CRISP1: variants seen among roughly 807,000 people sequenced by gnomAD.
CRISP1 encodes cysteine rich secretory protein 1, also known as cysteine-rich secretory protein 1.
Under a neutral mutation model 33.1 loss-of-function variants are expected in CRISP1, and 44 were observed. The ratio of observed to expected loss-of-function variants is 1.33; its 90% CI spans 1.05 to 1.71. The LOEUF (loss-of-function observed/expected upper bound fraction) is 1.71. Ranked by LOEUF, CRISP1 falls within the 40% of genes most tolerant of loss-of-function variation. CRISP1 has a pLI of 0.00. For missense variants in CRISP1, 390 were observed against 301.2 expected (o/e 1.29, Z -2.18); for synonymous variants, 103 against 98.7 (o/e 1.04, Z -0.26).
chr6:49,857,287 C>T (rs762440567), intron 2 of CRISP1, 48 bp downstream of exon 2: 6 of 1,566,426 alleles, frequency 3.8e-6, no homozygotes, highest in Admixed American at 1.7e-5. Flanking sequence ...AGTGTTAGCT[C>T]TTATCTTTAT....
intron 2 of CRISP1, among the ~76,000 whole-genome samples, chr6:49,855,033 G>T (rs574869654): frequency 6.6e-6 from 1 of 152,122 alleles, no homozygotes; most frequent in South Asian, 2.1e-4. Context: ...ACTTTATTCT[G>T]CTTGGTTTAT....
intron 1 of CRISP1, among the ~76,000 whole-genome samples, chr6:49,863,437 G>A (rs1050598312): frequency 1.3e-5 from 2 of 152,154 alleles, no homozygotes; most frequent in African/African-American, 4.8e-5. Context: ...AGAAGAAGAA[G>A]CATTACTTCA....
At position 49,857,367 on chromosome 6, in the gene CRISP1, C is replaced by T. The variant is rs748840852; in HGVS notation, c.34G>A (p.Ala12Thr). 1.4e-5 allele frequency: 23 copies of T among 1,612,878 alleles called. No homozygotes were observed. Among genetic ancestry groups the T allele is most frequent in the Non-Finnish European group, 2.5e-6 (3 of 1,179,268 alleles). Residue 12 changes from alanine (A) to threonine (T), a missense_variant, in exon 2 of 8, where the codon GCT (alanine) becomes ACT (threonine). Coordinates refer to ENST00000335847, the MANE Select transcript of CRISP1 (RefSeq NM_001131.3). ...GACAACATAGGCAGTAAGCAAGCAG[C>T]AGCAACCAAAAACAAGAGGTGTTTA... ...EIKHLLFLVA[A>T]ACLLPMLSMK...
intron 6 of CRISP1, among the ~76,000 whole-genome samples, chr6:49,839,142 T>C (rs1258858304): frequency 6.6e-6 from 1 of 151,808 alleles, no homozygotes; most frequent in East Asian, 1.9e-4. Context: ...TTTGAAACTT[T>C]AGAAAAGACG....
chr6:49,835,354 A>C lies in CRISP1; in HGVS notation c.712T>G (p.Cys238Gly), dbSNP rs768758510. 3.1e-6 allele frequency: 5 copies of C among 1,613,864 alleles called. No individual in the cohort carries two copies. The highest frequency in any genetic ancestry group is 4.2e-6 in the Non-Finnish European group (5 of 1,179,820). ...GTGTCACACAGACAAGTGGCTTTAC[A>C]GAATAGGATAGTTGTTGAGTGGTTG... is the stretch of plus-strand genomic sequence containing the variant. ...GCNHSTTILF[C>G]KATCLCDTEI... The change falls in exon 8 of 8, where the codon TGT (cysteine) becomes GGT (glycine). Residue 238 changes from cysteine (C) to glycine (G), a missense_variant. By Grantham distance (159) the Cys-to-Gly change is radical. Transcript: ENST00000335847.
intron 5 of CRISP1, among the ~76,000 whole-genome samples, chr6:49,841,903 T>A (rs772378690): frequency 1.3e-5 from 2 of 152,162 alleles, no homozygotes; most frequent in East Asian, 3.9e-4. Context: ...GATTAAACAT[T>A]CAAATATTTA....
intron 3 of CRISP1, among the ~76,000 whole-genome samples, chr6:49,849,888 A>G (rs556776932): frequency 2.6e-5 from 4 of 152,030 alleles, no homozygotes; most frequent in Admixed American, 6.6e-5. Context: ...AAACAAAAAA[A>G]AATATTTTAG....
intron 1 of CRISP1, among the ~76,000 whole-genome samples, chr6:49,872,241 G>A (rs1173668233): frequency 6.6e-6 from 1 of 151,826 alleles, no homozygotes; most frequent in Non-Finnish European, 1.5e-5. Context: ...ACTTTTTGAT[G>A]GGGTTGTTTG....
At position 49,841,001 on chromosome 6, in the gene CRISP1, A is replaced by G; in HGVS notation, c.436-6T>C. The G allele has an allele frequency of 1.9e-6, 3 of 1,609,996 alleles. No homozygotes were observed. Among genetic ancestry groups the G allele is most frequent in the Non-Finnish European group, 1.7e-6 (2 of 1,176,506 alleles). ...TAAGATGTGGCCCAAACAATCTGCA[A>G]TGATAAAGAGTTGTTTTATTACAGA... On this transcript the variant is annotated splice_region_variant and splice_polypyrimidine_tract_variant and intron_variant, in intron 5 of 7. Coordinates refer to ENST00000335847, the MANE Select transcript of CRISP1 (RefSeq NM_001131.3).
intron 1 of CRISP1, among the ~76,000 whole-genome samples, chr6:49,875,089 G>A (rs1772007468): frequency 6.6e-6 from 1 of 151,936 alleles, no homozygotes; most frequent in Non-Finnish European, 1.5e-5. Flanking sequence ...AAAATAAAGT[G>A]TATTTAAATA....
At chr6:49,846,976 G>A (rs1226225021) in intron 4 of CRISP1, among the ~76,000 whole-genome samples, 1 of 152,166 alleles carries the variant, frequency 6.6e-6, no homozygotes, top group African/African-American at 2.4e-5. Flanking sequence ...AAGCATAAGA[G>A]TGCTAACAGG....
chr6:49,835,202 T>C lies in CRISP1; in HGVS notation c.*114A>G, dbSNP rs1446926406. 1.0e-5 allele frequency: 12 copies of C among 1,148,128 alleles called. No individual in the cohort carries two copies. Among genetic ancestry groups the C allele is most frequent in the African/African-American group, 1.6e-5 (1 of 64,394 alleles). 71.1% of individuals were successfully genotyped at this position (1,148,128 alleles called of 1,614,324 possible). A position where few individuals can be genotyped will look rare whatever the true frequency, so the allele number is the denominator to read the frequency against. On this transcript the variant is annotated 3_prime_UTR_variant, in exon 8 of 8. Transcript: ENST00000335847. Reference sequence around the variant, plus strand: ...AGGATGGGAGTTAAGGTCTCCAGCATGATTAAAATCAGTGAAATTTAGCAG... The same window carrying C: ...AGGATGGGAGTTAAGGTCTCCAGCACGATTAAAATCAGTGAAATTTAGCAG...
At chr6:49,861,448 T>C (rs892053136) in intron 1 of CRISP1, among the ~76,000 whole-genome samples, 1 of 152,024 alleles carries the variant, frequency 6.6e-6, no homozygotes, top group African/African-American at 2.4e-5. Context: ...GTTCAACATA[T>C]GCAAATCAAT....
intron 1 of CRISP1, among the ~76,000 whole-genome samples, chr6:49,861,820 G>A (rs1437401026): frequency 1.3e-5 from 2 of 151,928 alleles, no homozygotes; most frequent in African/African-American, 4.8e-5. Context: ...AGGAGGCAGA[G>A]GTCACAGTTA....
chr6:49,871,508 T>A (rs887868338), upstream of CRISP1, among the ~76,000 whole-genome samples: 5 of 151,600 alleles, frequency 3.3e-5, no homozygotes, highest in Non-Finnish European at 7.4e-5. Flanking sequence ...TGTAAACAGG[T>A]ACACATTAAA....
In CRISP1 at chr6:49,841,482, G is replaced by T. The variant is rs375437037; in HGVS notation, c.436-487C>A. On this transcript the variant is annotated intron_variant, in intron 5 of 7. Coordinates refer to ENST00000335847, the MANE Select transcript of CRISP1 (RefSeq NM_001131.3). ...CATGGGCCGTACATGACTGTGCATG[G>T]GATTCATTTCTCTGATCTTATCCAG... Among the ~76,000 whole-genome samples the T allele has an allele frequency of 1.6e-4, 25 of 152,140 alleles. 1 individual carries two copies. Among genetic ancestry groups the T allele is most frequent in the African/African-American group, 4.6e-4 (19 of 41,514 alleles).
intron 2 of CRISP1, among the ~76,000 whole-genome samples, chr6:49,856,799 TTC>T (rs1188578653): frequency 1.3e-5 from 2 of 152,116 alleles, no homozygotes; most frequent in Non-Finnish European, 2.9e-5. Context: ...AGTGTTCTAC[TTC>T]TGTTTTGTGA....
intron 6 of CRISP1, among the ~76,000 whole-genome samples, chr6:49,840,140 G>A (rs1770936447): frequency 6.6e-6 from 1 of 152,172 alleles, no homozygotes; most frequent in Non-Finnish European, 1.5e-5. Context: ...ACTGGCATTT[G>A]TAGTCAAATA....
chr6:49,861,058 C>T (rs1463568046), intron 1 of CRISP1, among the ~76,000 whole-genome samples: 1 of 151,880 alleles, frequency 6.6e-6, no homozygotes, highest in Admixed American at 6.6e-5. Context: ...GAAATAGAAA[C>T]CAGAGCTGAC....
Sources: allele counts gnomAD v4.1 joint callset (sites outside exome capture counted in the v4.1 genomes callset), GRCh38; gene constraint gnomAD v4.1.1; transcripts MANE v1.5; gene names NCBI Gene and HGNC (gene_info 2026-07-23, HGNC 2026-07-21).